Variants in CSMD1 observed in about 807,000 individuals in gnomAD.
CSMD1 encodes CUB and sushi domain-containing protein 1.
CSMD1 carries 213 observed loss-of-function variants against 417.5 expected under a neutral mutation model. The observed-to-expected ratio is 0.51, with a 90% CI of 0.46 to 0.57. The LOEUF is 0.57. Ranked by LOEUF, CSMD1 falls within the 20% of genes least tolerant of loss-of-function variation. The pLI is 0.00. For synonymous variants in CSMD1, 2,862 were observed against 1,736.8 expected (o/e 1.65, Z -16.11); for missense variants, 6,923 against 4,529.7 (o/e 1.53, Z -15.17).
At chr8:3,193,394 G>C (rs1296782645) in intron 33 of CSMD1, among the ~76,000 whole-genome samples, 1 of 152,142 alleles carries the variant, frequency 6.6e-6, no homozygotes, top group Non-Finnish European at 1.5e-5. Flanking sequence ...GTAAGGACTT[G>C]AGACAGTAGG....
intron 1 of CSMD1, among the ~76,000 whole-genome samples, chr8:4,771,027 A>C (rs534471767): frequency 6.6e-6 from 1 of 152,368 alleles, no homozygotes; most frequent in African/African-American, 2.4e-5. Flanking sequence ...CAACTTACAG[A>C]TTCAGAAAGC....
chr8:3,400,170 G>C (rs1360404031), intron 15 of CSMD1, among the ~76,000 whole-genome samples: 1 of 152,172 alleles, frequency 6.6e-6, no homozygotes, highest in Non-Finnish European at 1.5e-5. Context: ...CTCAGTGAAA[G>C]TGATTATGCA....
At chr8:4,172,628 A>G (rs1402684106) in intron 3 of CSMD1, among the ~76,000 whole-genome samples, 1 of 152,190 alleles carries the variant, frequency 6.6e-6, no homozygotes, top group Admixed American at 6.5e-5. Context: ...CCCTCCTGGT[A>G]TTTATGAACT....
At chr8:4,420,332 C>G (rs1011740198) in intron 2 of CSMD1, among the ~76,000 whole-genome samples, 1 of 151,726 alleles carries the variant, frequency 6.6e-6, no homozygotes, top group Non-Finnish European at 1.5e-5. Flanking sequence ...GTCTTAAATG[C>G]TCCTCGTTTT....
At chr8:3,335,456 T>A in intron 23 of CSMD1, among the ~76,000 whole-genome samples, 1 of 152,142 alleles carries the variant, frequency 6.6e-6, no homozygotes, top group East Asian at 1.9e-4. Context: ...GGCGGGTGGA[T>A]CATCTGAGGT....
At chr8:3,557,418 A>G (rs1355508385) in intron 10 of CSMD1, among the ~76,000 whole-genome samples, 1 of 152,218 alleles carries the variant, frequency 6.6e-6, no homozygotes, top group African/African-American at 2.4e-5. Context: ...ACTATTTGCC[A>G]AACGCTGTGC....
At chr8:4,090,234 G>C (rs1057018020) in intron 3 of CSMD1, among the ~76,000 whole-genome samples, 2 of 152,112 alleles carry the variant, frequency 1.3e-5, no homozygotes, top group Admixed American at 6.6e-5. Flanking sequence ...GCTTGTTTTT[G>C]AGAAGTTATC....
At chr8:4,924,808 T>G (rs144126593) in intron 1 of CSMD1, among the ~76,000 whole-genome samples, 2 of 152,144 alleles carry the variant, frequency 1.3e-5, no homozygotes, top group African/African-American at 4.8e-5. Flanking sequence ...TGTATCATAT[T>G]GTTTTCATTT....
intron 40 of CSMD1, among the ~76,000 whole-genome samples, chr8:3,148,898 C>T (rs991895999): frequency 1.3e-5 from 2 of 152,166 alleles, no homozygotes; most frequent in African/African-American, 2.4e-5. Flanking sequence ...TAATCTATAA[C>T]AAATTATTCT....
intron 8 of CSMD1, among the ~76,000 whole-genome samples, chr8:3,597,789 G>T (rs1302766759): frequency 6.6e-6 from 1 of 151,924 alleles, no homozygotes; most frequent in African/African-American, 2.4e-5. Context: ...TGAACAATGA[G>T]AATACACGGA....
intron 5 of CSMD1, among the ~76,000 whole-genome samples, chr8:3,837,639 T>A (rs976710035): frequency 1.3e-5 from 2 of 152,162 alleles, no homozygotes; most frequent in African/African-American, 4.8e-5. Context: ...TTTCTGCGGA[T>A]TGTAAGAAAA....
intron 1 of CSMD1, among the ~76,000 whole-genome samples, chr8:4,937,993 C>G (rs2117222047): frequency 6.6e-6 from 1 of 152,170 alleles, no homozygotes; most frequent in Non-Finnish European, 1.5e-5. Flanking sequence ...GCCTTTGTGA[C>G]TCATCCTCCC....
intron 3 of CSMD1, among the ~76,000 whole-genome samples, chr8:4,042,654 A>T (rs552944349): frequency 1.3e-3 from 198 of 151,904 alleles, no homozygotes; most frequent in South Asian, 3.1e-3. Flanking sequence ...AAATCTGTTT[A>T]AAACACTATT....
chr8:4,974,341 T>C (rs747552662), intron 1 of CSMD1, among the ~76,000 whole-genome samples: 1 of 152,172 alleles, frequency 6.6e-6, no homozygotes, highest in African/African-American at 2.4e-5. Flanking sequence ...AGTCTCACAA[T>C]GTCTCACATG....
intron 5 of CSMD1, among the ~76,000 whole-genome samples, chr8:3,809,000 C>G (rs1323903459): frequency 6.6e-6 from 1 of 152,120 alleles, no homozygotes; most frequent in African/African-American, 2.4e-5. Flanking sequence ...GTCAACATGA[C>G]ATGGATGATT....
At chr8:4,430,240 G>C (rs975869991) in intron 2 of CSMD1, among the ~76,000 whole-genome samples, 2 of 152,070 alleles carry the variant, frequency 1.3e-5, no homozygotes, top group African/African-American at 4.8e-5. Context: ...CATGAATACT[G>C]GGTCGGAGAA....
rs568671116 is a variant in CSMD1, at chr8:3,052,403, G to A, written c.7660+59C>T. ...GAACGTGGGAACCCGGACTTCTCCC[G>A]AAAGCATTCAGTTCCCACCTAAACC... On this transcript the variant is annotated intron_variant, in intron 50 of 69. Transcript: ENST00000635120. 46 of 1,405,616 alleles carry A rather than the reference G, an allele frequency of 3.3e-5. No homozygotes were observed. In the African/African-American group the frequency reaches 3.7e-4, roughly 11 times the overall value. 87.1% of individuals were successfully genotyped at this position (1,405,616 alleles called of 1,614,324 possible).
chr8:3,392,182 A>G (rs1024573563), intron 17 of CSMD1, among the ~76,000 whole-genome samples: 1 of 152,052 alleles, frequency 6.6e-6, no homozygotes, highest in Non-Finnish European at 1.5e-5. Flanking sequence ...GGTGCACCAC[A>G]TCAACATGGC....
intron 10 of CSMD1, among the ~76,000 whole-genome samples, chr8:3,523,015 CCACACACACA>C (rs35558604): frequency 2.8e-5 from 4 of 141,874 alleles, no homozygotes; most frequent in African/African-American, 1.1e-4. Context: ...ATACACACAC[CCACACACACA>C]CACACACACA....
Sources: gnomAD v4.1 joint callset for allele counts (sites outside exome capture counted in the v4.1 genomes callset) on GRCh38, gnomAD v4.1.1 for gene constraint, MANE v1.5 for transcripts, NCBI Gene and HGNC (gene_info 2026-07-23, HGNC 2026-07-21) for gene names.